Variants in CAST observed in about 807,000 individuals in gnomAD.
The protein encoded by CAST is calpastatin, also known as MIR583 host.
A neutral mutation model predicts 119.6 loss-of-function variants in CAST; 76 were observed. The ratio of observed to expected loss-of-function variants is 0.64; its 90% CI spans 0.53 to 0.77. The LOEUF (loss-of-function observed/expected upper bound fraction) is 0.77. CAST is among the 30% of genes least tolerant of loss of function. CAST has a pLI of 0.00. For missense variants in CAST, 953 were observed against 946.5 expected, an observed-to-expected ratio of 1.01 and a Z score of -0.09; for synonymous variants, 319 against 331.6, an observed-to-expected ratio of 0.96 and a Z score of 0.41.
chr5:96,536,322 G>A lies in CAST; in HGVS notation c.60+6442G>A, dbSNP rs1453235723. ...TACGGTGAGCCGAGATCGTGCCACT[G>A]TACTCCAGCCTGGGCGACAAGAGCA... On this transcript the variant is annotated intron_variant, in intron 1 of 11. Transcript: ENST00000505143. 2.0e-5 allele frequency among the ~76,000 whole-genome samples: 3 copies of A among 152,096 alleles called. No individual in the cohort carries two copies. In the East Asian group the frequency reaches 5.8e-4, roughly 29 times the overall value.
chr5:96,450,841 T>G, the CAST span, among the ~76,000 whole-genome samples: 5 of 152,356 alleles, frequency 3.3e-5, no homozygotes, highest in African/African-American at 1.2e-4. Context: ...TTTCATCCTC[T>G]GTGCCAGACA....
At chr5:96,562,043 C>T (rs183856574) in intron 1 of CAST, among the ~76,000 whole-genome samples, 63 of 151,304 alleles carry the variant, frequency 4.2e-4, no homozygotes, top group African/African-American at 1.4e-3. Context: ...CCGCCCGCCT[C>T]GGCCTCCCAA....
the CAST span, among the ~76,000 whole-genome samples, chr5:96,073,581 G>C: frequency 2.0e-5 from 3 of 152,058 alleles, no homozygotes; most frequent in Non-Finnish European, 4.4e-5. Context: ...CAGTGGGGTG[G>C]GGATGGCTTT....
chr5:96,452,393 T>G, the CAST span, among the ~76,000 whole-genome samples: 1 of 151,776 alleles, frequency 6.6e-6, no homozygotes, highest in African/African-American at 2.4e-5. Flanking sequence ...AACCCAGGAA[T>G]AGAAAACCAA....
the CAST span, among the ~76,000 whole-genome samples, chr5:95,977,921 C>T: frequency 6.6e-6 from 1 of 151,994 alleles, no homozygotes; most frequent in Non-Finnish European, 1.5e-5. Context: ...TCTGTTCCTG[C>T]ATTAGTTTGC....
In CAST at chr5:96,592,274, G is replaced by A. The variant is rs536983628; in HGVS notation, c.60+62394G>A. 2.4e-3 allele frequency among the ~76,000 whole-genome samples: 358 copies of A among 152,088 alleles called. 4 individuals are homozygous for A. Among genetic ancestry groups the A allele is most frequent in the African/African-American group, 7.3e-3 (301 of 41,472 alleles). On this transcript the variant is annotated intron_variant, in intron 1 of 11. Coordinates refer to the CAST transcript ENST00000505143. ...GGATTGGCCAGGTGTGGTGATGTGC[G>A]CCTTTGGTCCTAGCTGCTTGGGAGG...
chr5:96,437,771 A>T, the CAST span, among the ~76,000 whole-genome samples: 1 of 152,160 alleles, frequency 6.6e-6, no homozygotes, highest in African/African-American at 2.4e-5. Context: ...AGACGCACTG[A>T]TCTACTTAAC....
At chr5:96,345,501 GTGCAAA>G in the CAST span, among the ~76,000 whole-genome samples, 1 of 152,152 alleles carries the variant, frequency 6.6e-6, no homozygotes, top group East Asian at 1.9e-4. Context: ...GTCTAACTCA[GTGCAAA>G]TGCATGCTAC....
At chr5:96,662,909 C>T in intron 1 of CAST, 2 of 581,490 alleles carry the variant, frequency 3.4e-6, no homozygotes, top group Non-Finnish European at 6.1e-6. Flanking sequence ...GACGCAGAGC[C>T]TCTTCCCTAA....
chr5:95,964,005 C>CT, the CAST span, among the ~76,000 whole-genome samples: 2 of 152,012 alleles, frequency 1.3e-5, no homozygotes, highest in Admixed American at 6.6e-5. Context: ...TAGTAATTGA[C>CT]TTTTTTTAAA....
chr5:96,318,666 G>A, the CAST span: 1 of 152,194 alleles, frequency 6.6e-6, no homozygotes, highest in Non-Finnish European at 1.5e-5. Flanking sequence ...CTGAAGTCAA[G>A]GGACCAAGGT....
chr5:96,063,291 G>C, the CAST span, among the ~76,000 whole-genome samples: 1 of 152,106 alleles, frequency 6.6e-6, no homozygotes, highest in Non-Finnish European at 1.5e-5. Context: ...ACCCCCACCT[G>C]AGGGCAGCCC....
In CAST at chr5:96,762,193, T is replaced by C. The variant is rs77762128; in HGVS notation, c.1834-81T>C. On this transcript the variant is annotated intron_variant, in intron 24 of 31. Transcript: ENST00000675179. ...GAATAAACAGTCATTAAGCTATCTT[T>C]AAGAGTTATAGTTAAGTGATGGCAT... 509 of 769,174 alleles carry C rather than the reference T, an allele frequency of 6.6e-4. 1 individual carries two copies. In the African/African-American group the frequency reaches 8.3e-3, roughly 13 times the overall value. 47.6% of individuals were successfully genotyped at this position (769,174 alleles called of 1,614,324 possible).
At chr5:96,550,362 G>C (rs1746104547) in intron 1 of CAST, among the ~76,000 whole-genome samples, 1 of 152,176 alleles carries the variant, frequency 6.6e-6, no homozygotes, top group Non-Finnish European at 1.5e-5. Context: ...GAAAGGAATA[G>C]CATCAACATC....
the CAST span, among the ~76,000 whole-genome samples, chr5:96,142,748 G>A: frequency 6.6e-6 from 1 of 152,200 alleles, no homozygotes; most frequent in Admixed American, 6.5e-5. Context: ...TAAAAATTGT[G>A]TATAATTCAG....
In CAST at chr5:96,607,350, A is replaced by T. The variant is rs1747279286; in HGVS notation, c.61-68189A>T. 2.6e-5 allele frequency among the ~76,000 whole-genome samples: 4 copies of T among 152,308 alleles called. No individual in the cohort carries two copies. The South Asian group carries it at 8.3e-4, about 32-fold the overall frequency. On this transcript the variant is annotated intron_variant, in intron 1 of 11. Coordinates refer to the CAST transcript ENST00000505143. The stretch of plus-strand genomic sequence containing the variant: ...ATAGTAAGTTCTCTCAGCAATAAAA[A>T]TGGTTAGCAATAAGTAAAAGCCACA...
the CAST span, among the ~76,000 whole-genome samples, chr5:96,518,190 G>A: frequency 6.6e-6 from 1 of 152,234 alleles, no homozygotes; most frequent in African/African-American, 2.4e-5. Context: ...ACACTAGGAT[G>A]ACGATATGTA....
chr5:96,070,359 C>T, the CAST span, among the ~76,000 whole-genome samples: 1 of 152,246 alleles, frequency 6.6e-6, no homozygotes, highest in South Asian at 2.1e-4. Flanking sequence ...ATATTATTTT[C>T]CTTTGTCAGA....
At chr5:96,548,373 A>G (rs1746055835) in intron 1 of CAST, among the ~76,000 whole-genome samples, 1 of 152,150 alleles carries the variant, frequency 6.6e-6, no homozygotes, top group Non-Finnish European at 1.5e-5. Context: ...AGACTTTTTA[A>G]TATTATATAG....
Sources: allele counts gnomAD v4.1 joint callset (sites outside exome capture counted in the v4.1 genomes callset), GRCh38; gene constraint gnomAD v4.1.1; transcripts MANE v1.5; gene names NCBI Gene and HGNC (gene_info 2026-07-23, HGNC 2026-07-21).